PCDH9: variants seen among roughly 807,000 people sequenced by gnomAD.
The protein encoded by PCDH9 is protocadherin-9.
A neutral mutation model predicts 70.6 loss-of-function variants in PCDH9; 24 were observed. The observed-to-expected ratio is 0.34, with a 90% CI of 0.25 to 0.48. The LOEUF (loss-of-function observed/expected upper bound fraction) is 0.48. PCDH9 is among the 20% of genes least tolerant of loss of function. The pLI, the probability that PCDH9 is intolerant of heterozygous loss-of-function variation, is 0.99. For missense variants in PCDH9, 1,281 were observed against 1,503.6 expected, an observed-to-expected ratio of 0.85 and a Z score of 2.45; for synonymous variants, 562 against 558.5, an observed-to-expected ratio of 1.01 and a Z score of -0.09.
At chr13:67,034,466 T>C (rs527931235) in intron 2 of PCDH9, among the ~76,000 whole-genome samples, 18 of 152,282 alleles carry the variant, frequency 1.2e-4, no homozygotes, top group African/African-American at 4.1e-4. Context: ...AGTCGAAATA[T>C]ATAGCTGACA....
At chr13:66,927,385 G>C (rs571541853) in intron 2 of PCDH9, among the ~76,000 whole-genome samples, 2 of 152,054 alleles carry the variant, frequency 1.3e-5, no homozygotes, top group East Asian at 1.9e-4. Context: ...GGGCCTCTTC[G>C]AGGGTGGAGG....
chr13:67,152,881 A>G (rs1369322830), intron 2 of PCDH9, among the ~76,000 whole-genome samples: 1 of 152,192 alleles, frequency 6.6e-6, no homozygotes, highest in Admixed American at 6.5e-5. Flanking sequence ...TGGTAATTAG[A>G]GGAATGAGGC....
At chr13:66,637,992 T>G (rs2077661466) in intron 3 of PCDH9, among the ~76,000 whole-genome samples, 1 of 152,138 alleles carries the variant, frequency 6.6e-6, no homozygotes, top group South Asian at 2.1e-4. Flanking sequence ...TAAAGTGACT[T>G]GTCTATATAG....
At chr13:66,903,898 G>C (rs2082317032) in intron 2 of PCDH9, among the ~76,000 whole-genome samples, 1 of 151,814 alleles carries the variant, frequency 6.6e-6, no homozygotes, top group Non-Finnish European at 1.5e-5. Context: ...GACTTTGGTA[G>C]CTAAAAGTTA....
intron 4 of PCDH9, among the ~76,000 whole-genome samples, chr13:66,395,472 G>A (rs1183061367): frequency 2.6e-5 from 4 of 151,886 alleles, no homozygotes; most frequent in South Asian, 2.1e-4. Context: ...ACGGTGGCAC[G>A]CGCCTGTAAT....
chr13:66,643,138 G>A (rs2077729460), intron 3 of PCDH9, among the ~76,000 whole-genome samples: 1 of 151,950 alleles, frequency 6.6e-6, no homozygotes, highest in Non-Finnish European at 1.5e-5. Context: ...ATTTTGGGAA[G>A]TTTTAATAAA....
chr13:66,443,432 C>G, intron 4 of PCDH9, among the ~76,000 whole-genome samples: 1 of 152,122 alleles, frequency 6.6e-6, no homozygotes, highest in Admixed American at 6.6e-5. Context: ...TAAATTGTTT[C>G]TATGTTACTG....
intron 3 of PCDH9, among the ~76,000 whole-genome samples, chr13:66,846,535 G>T (rs1404041760): frequency 6.6e-6 from 1 of 151,984 alleles, no homozygotes; most frequent in East Asian, 1.9e-4. Flanking sequence ...TTAGGAATAT[G>T]ATTCATATTG....
chr13:66,888,350 A>T (rs1190808159), intron 3 of PCDH9, among the ~76,000 whole-genome samples: 1 of 151,972 alleles, frequency 6.6e-6, no homozygotes, highest in Non-Finnish European at 1.5e-5. Flanking sequence ...TAAAAAATAA[A>T]AATTAGCTGG....
chr13:66,664,744 A>G (rs2078069251), intron 3 of PCDH9, among the ~76,000 whole-genome samples: 1 of 151,880 alleles, frequency 6.6e-6, no homozygotes, highest in African/African-American at 2.4e-5. Flanking sequence ...GTATGTGTCC[A>G]CTCTATGCAC....
At position 66,814,541 on chromosome 13, in the gene PCDH9, C is replaced by T. The variant is rs1362698965; in HGVS notation, c.3138+88963G>A. ...AATAGAAGCCTTTTATTCACCCATA[C>T]CTGGAACAATCTTGGTTTGATGCAC... is the stretch of plus-strand genomic sequence containing the variant. On this transcript the variant is annotated intron_variant, in intron 3 of 4. Coordinates refer to ENST00000377865, the MANE Select transcript of PCDH9 (RefSeq NM_203487.3). 2.0e-5 allele frequency among the ~76,000 whole-genome samples: 3 copies of T among 152,042 alleles called. No homozygotes were observed. The East Asian group carries it at 5.8e-4, about 29-fold the overall frequency.
intron 4 of PCDH9, among the ~76,000 whole-genome samples, chr13:66,313,369 C>T (rs76857377): frequency 0.022 from 3,391 of 152,322 alleles, 46 homozygotes; most frequent in Non-Finnish European, 0.036. Flanking sequence ...CTCTCCATTT[C>T]TTGCAATTTG....
At chr13:66,700,522 G>T (rs1406436786) in intron 3 of PCDH9, among the ~76,000 whole-genome samples, 1 of 152,082 alleles carries the variant, frequency 6.6e-6, no homozygotes, top group African/African-American at 2.4e-5. Context: ...TTGTTTTACT[G>T]CAAGCTCTGA....
chr13:66,568,992 G>GTTTTTT (rs1263205330), intron 4 of PCDH9, among the ~76,000 whole-genome samples: 13 of 80,702 alleles, frequency 1.6e-4, no homozygotes, highest in African/African-American at 4.3e-4. Context: ...TTGGAAACAT[G>GTTTTTT]TCTTTTTTTT....
chr13:67,185,291 G>A (rs551398408), intron 2 of PCDH9, among the ~76,000 whole-genome samples: 2 of 152,178 alleles, frequency 1.3e-5, no homozygotes, highest in East Asian at 3.9e-4. Flanking sequence ...TTAGTGAATA[G>A]TAGTTAAAAA....
chr13:67,192,356 T>C (rs1416172241), intron 2 of PCDH9, among the ~76,000 whole-genome samples: 1 of 152,164 alleles, frequency 6.6e-6, no homozygotes, highest in Admixed American at 6.5e-5. Flanking sequence ...CTTAAACTTA[T>C]TTGAGACACT....
intron 3 of PCDH9, among the ~76,000 whole-genome samples, chr13:66,662,913 G>C (rs9599127): frequency 0.57 from 86,393 of 152,030 alleles, 24,872 homozygotes; most frequent in African/African-American, 0.65. Context: ...TTTCTAGCGG[G>C]CTGTATCATT....
chr13:66,618,920 A>G (rs961114108), intron 4 of PCDH9, among the ~76,000 whole-genome samples: 5 of 152,204 alleles, frequency 3.3e-5, no homozygotes, highest in African/African-American at 9.6e-5. Flanking sequence ...TAGGAGGCAT[A>G]AATGTTACTA....
At chr13:66,442,206 A>G (rs1409066159) in intron 4 of PCDH9, among the ~76,000 whole-genome samples, 1 of 152,204 alleles carries the variant, frequency 6.6e-6, no homozygotes, top group African/African-American at 2.4e-5. Flanking sequence ...TGAACAACTT[A>G]CAAAGTAGGC....
Sources: allele counts gnomAD v4.1 joint callset (sites outside exome capture counted in the v4.1 genomes callset), GRCh38; gene constraint gnomAD v4.1.1; transcripts MANE v1.5; gene names NCBI Gene and HGNC (gene_info 2026-07-23, HGNC 2026-07-21).